The following LRP1B variants were observed in gnomAD, a reference collection of about 807,000 sequenced individuals.
The protein encoded by LRP1B is LDL receptor related protein 1B.
A neutral mutation model predicts 556.6 loss-of-function variants in LRP1B; 217 were observed. The observed-to-expected ratio is 0.39, with a 90% CI of 0.35 to 0.44. LRP1B has a LOEUF of 0.44. Ranked by LOEUF, LRP1B falls within the 20% of genes least tolerant of loss-of-function variation. The pLI is 1.00. For synonymous variants in LRP1B, 2,047 were observed against 1,865.8 expected (o/e 1.10, Z -2.50); for missense variants, 5,053 against 5,620.8 (o/e 0.90, Z 3.23).
At chr2:141,859,181 G>T (rs1429122750) in intron 1 of LRP1B, among the ~76,000 whole-genome samples, 3 of 151,994 alleles carry the variant, frequency 2.0e-5, no homozygotes, top group Non-Finnish European at 4.4e-5. Flanking sequence ...CAATTGTTTT[G>T]TCCCTTAAAT....
At chr2:141,602,991 A>C (rs1413045199) in intron 2 of LRP1B, among the ~76,000 whole-genome samples, 1 of 152,194 alleles carries the variant, frequency 6.6e-6, no homozygotes, top group Non-Finnish European at 1.5e-5. Flanking sequence ...TGCATTGTTA[A>C]ATTGAGATTT....
intron 86 of LRP1B, among the ~76,000 whole-genome samples, chr2:140,264,289 C>T (rs577077059): frequency 3.5e-4 from 54 of 152,132 alleles, no homozygotes; most frequent in Admixed American, 2.2e-3. Context: ...AGTGCAATGG[C>T]GCAGTCTCAG....
chr2:140,620,475 A>G (rs1683411174), intron 41 of LRP1B, among the ~76,000 whole-genome samples: 1 of 152,234 alleles, frequency 6.6e-6, no homozygotes, highest in African/African-American at 2.4e-5. Flanking sequence ...CTAAATGTCA[A>G]GAACAAAGTA....
intron 7 of LRP1B, among the ~76,000 whole-genome samples, chr2:141,160,093 T>C (rs148037531): frequency 0.025 from 3,810 of 151,818 alleles, 168 homozygotes; most frequent in African/African-American, 0.088. Flanking sequence ...TCTGCACATG[T>C]ATCCCATTTC....
chr2:140,917,510 T>G (rs572724453), intron 21 of LRP1B, among the ~76,000 whole-genome samples: 1 of 152,190 alleles, frequency 6.6e-6, no homozygotes, highest in East Asian at 1.9e-4. Flanking sequence ...ATTCAAAGCT[T>G]AAAGATTTCA....
chr2:140,356,301 C>A (rs371124435), intron 75 of LRP1B, 41 bp downstream of exon 75: 3 of 1,599,292 alleles, frequency 1.9e-6, no homozygotes, highest in South Asian at 1.1e-5. Flanking sequence ...TCTTCATAAC[C>A]CAAAGATTTA....
At chr2:141,132,990 A>G (rs1438741205) in intron 7 of LRP1B, among the ~76,000 whole-genome samples, 1 of 152,032 alleles carries the variant, frequency 6.6e-6, no homozygotes, top group African/African-American at 2.4e-5. Flanking sequence ...AAGAGATGAA[A>G]AGTACACCCT....
chr2:140,813,896 A>C, intron 31 of LRP1B, 90 bp from the exon 32 acceptor site: 1 of 882,050 alleles, frequency 1.1e-6, no homozygotes, highest in Non-Finnish European at 1.8e-6. Context: ...GGAAAAAAAT[A>C]AGTTGAAAGT....
chr2:140,372,477 G>C (rs1159092382), intron 69 of LRP1B, among the ~76,000 whole-genome samples: 1 of 152,004 alleles, frequency 6.6e-6, no homozygotes, highest in South Asian at 2.1e-4. Context: ...AAAAAATGAA[G>C]TGTTTTAATG....
At chr2:140,822,516 A>G (rs550428842) in intron 31 of LRP1B, among the ~76,000 whole-genome samples, 1 of 152,336 alleles carries the variant, frequency 6.6e-6, no homozygotes, top group South Asian at 2.1e-4. Flanking sequence ...CTCAAACTAG[A>G]AAGTCTAGTG....
Position 140,953,534 on chromosome 2 carries a change from A to G in LRP1B, c.2888-1594T>C, listed in dbSNP as rs529939050. 3.3e-5 allele frequency among the ~76,000 whole-genome samples: 5 copies of G among 152,280 alleles called. No individual in the cohort carries two copies. In the East Asian group the frequency reaches 7.7e-4, roughly 24 times the overall value. ...GAGAATATTTGTAAAATATTTGTAA[A>G]TATTTTCAAATTGTATTCTCTGCAT... On this transcript the variant is annotated intron_variant, in intron 18 of 90. Coordinates refer to ENST00000389484, the MANE Select transcript of LRP1B (RefSeq NM_018557.3).
In LRP1B at chr2:141,046,964, C is replaced by G. The variant is rs559795319; in HGVS notation, c.1789+2022G>C. 2.0e-5 allele frequency among the ~76,000 whole-genome samples: 3 copies of G among 146,442 alleles called. No homozygotes were observed. The East Asian group carries it at 6.1e-4, about 30-fold the overall frequency. ...AGGCATGATGGTGCACACCTGCAAT[C>G]CCAGCTCCTCAGGAGGCTGAGGCAA... On this transcript the variant is annotated intron_variant, in intron 11 of 90. Coordinates refer to ENST00000389484, the MANE Select transcript of LRP1B (RefSeq NM_018557.3).
chr2:140,846,027 T>A (rs1311122024), intron 29 of LRP1B, among the ~76,000 whole-genome samples: 1 of 152,038 alleles, frequency 6.6e-6, no homozygotes, highest in African/African-American at 2.4e-5. Context: ...AAGATACAAC[T>A]CTAGGTAGCA....
rs1447167143 is a variant in LRP1B, at chr2:141,348,314, G to A, written c.344-93673C>T. Among the ~76,000 whole-genome samples, 4 of 151,936 alleles carry A rather than the reference G, an allele frequency of 2.6e-5. No homozygotes were observed. In the East Asian group the frequency reaches 7.7e-4, roughly 29 times the overall value. Reference sequence around the variant, plus strand: ...AAAGTACAAACAGATTTTGAAATATGTACTGAAAATAGGGATGAATTATTT... The same window carrying A: ...AAAGTACAAACAGATTTTGAAATATATACTGAAAATAGGGATGAATTATTT... On this transcript the variant is annotated intron_variant, in intron 3 of 90. Coordinates refer to ENST00000389484, the MANE Select transcript of LRP1B (RefSeq NM_018557.3).
At chr2:141,286,242 AGAGTT>A (rs1214044235) in intron 3 of LRP1B, among the ~76,000 whole-genome samples, 9 of 152,124 alleles carry the variant, frequency 5.9e-5, no homozygotes, top group East Asian at 1.9e-4. Flanking sequence ...AACTCTTAAT[AGAGTT>A]AAGTATATTG....
At chr2:142,021,500 T>C (rs1703330402) in intron 1 of LRP1B, among the ~76,000 whole-genome samples, 1 of 152,174 alleles carries the variant, frequency 6.6e-6, no homozygotes, top group Non-Finnish European at 1.5e-5. Context: ...GCTAATAAAC[T>C]GTGTATTTGT....
At chr2:140,954,724 T>C (rs1695822541) in intron 18 of LRP1B, among the ~76,000 whole-genome samples, 1 of 152,006 alleles carries the variant, frequency 6.6e-6, no homozygotes, top group South Asian at 2.1e-4. Flanking sequence ...ACATTAACCT[T>C]CTGCCCACAC....
At chr2:140,609,778 T>TAGAG (rs1683003824) in intron 41 of LRP1B, among the ~76,000 whole-genome samples, 16 of 152,002 alleles carry the variant, frequency 1.1e-4, no homozygotes, top group Admixed American at 1.0e-3. Flanking sequence ...CGTTACCTCT[T>TAGAG]GTCTAAGCTT....
chr2:140,927,990 C>T (rs1437242884), intron 20 of LRP1B, among the ~76,000 whole-genome samples: 1 of 151,978 alleles, frequency 6.6e-6, no homozygotes, highest in Non-Finnish European at 1.5e-5. Context: ...AGTTGATCTG[C>T]CCACCTTGGC....
Sources: gnomAD v4.1 joint callset for allele counts (sites outside exome capture counted in the v4.1 genomes callset) on GRCh38, gnomAD v4.1.1 for gene constraint, MANE v1.5 for transcripts, NCBI Gene and HGNC (gene_info 2026-07-23, HGNC 2026-07-21) for gene names.